KIF13B: variants seen among roughly 807,000 people sequenced by gnomAD.
The protein encoded by KIF13B is kinesin-like protein KIF13B.
KIF13B carries 127 observed loss-of-function variants against 222.0 expected under a neutral mutation model. The observed-to-expected ratio is 0.57, with a 90% CI of 0.50 to 0.66. The LOEUF (loss-of-function observed/expected upper bound fraction) is 0.66, where lower values mean the gene tolerates loss of function less well. Among genes scored for constraint, KIF13B ranks in the 30% least tolerant of loss-of-function variants. The pLI is 0.00. For missense variants in KIF13B, 2,173 were observed against 2,379.0 expected, an observed-to-expected ratio of 0.91 and a Z score of 1.80; for synonymous variants, 976 against 919.0, an observed-to-expected ratio of 1.06 and a Z score of -1.12.
At chr8:29,123,596 C>A in intron 27 of KIF13B, 104 bp from the exon 28 acceptor site, 1 of 1,439,822 alleles carries the variant, frequency 6.9e-7, no homozygotes, top group East Asian at 2.3e-5. Flanking sequence ...TATTAGCTCA[C>A]AAGTGCTCCC....
At chr8:29,097,161 G>C (rs1439410043) in intron 36 of KIF13B, among the ~76,000 whole-genome samples, 2 of 152,154 alleles carry the variant, frequency 1.3e-5, no homozygotes, top group Non-Finnish European at 2.9e-5. Context: ...AAATAAATTT[G>C]ATGCAGTTAT....
chr8:29,084,159 G>A (rs1240600232), intron 37 of KIF13B, among the ~76,000 whole-genome samples: 1 of 152,008 alleles, frequency 6.6e-6, no homozygotes, highest in Non-Finnish European at 1.5e-5. Context: ...GTCATGATCC[G>A]CCCACCTCGG....
chr8:29,177,480 C>T lies in KIF13B; in HGVS notation c.819G>A (p.Gly273=), dbSNP rs923211511. 6.2e-7 allele frequency: 1 copy of T among 1,609,088 alleles called. No homozygotes were observed. Among genetic ancestry groups the T allele is most frequent in the Non-Finnish European group, 8.5e-7 (1 of 1,175,540 alleles). The part of the protein sequence containing the change: ...TGAAGDRLKE[G]SNINKSLTTL... ...AGAGCACTTACTTGTTAATGTTGCT[C>T]CCTTCCTTCAGCCTGTCCCCTGCAG... Residue 273 remains glycine (G), a synonymous_variant, in exon 9 of 40, where the codon GGG becomes GGA. Coordinates refer to ENST00000524189, the MANE Select transcript of KIF13B (RefSeq NM_015254.4).
chr8:29,128,897 A>G (rs1318801226), intron 24 of KIF13B, among the ~76,000 whole-genome samples: 2 of 152,320 alleles, frequency 1.3e-5, no homozygotes, highest in East Asian at 3.9e-4. Context: ...TTTCAAACAT[A>G]TTAGACTCAA....
At chr8:29,089,916 A>C (rs1490882250) in intron 37 of KIF13B, among the ~76,000 whole-genome samples, 2 of 151,698 alleles carry the variant, frequency 1.3e-5, no homozygotes, top group Non-Finnish European at 2.9e-5. Flanking sequence ...AAGAAATGGT[A>C]ATGTAGTGCC....
intron 3 of KIF13B, among the ~76,000 whole-genome samples, chr8:29,192,819 A>AG (rs869178964): frequency 2.6e-5 from 4 of 152,138 alleles, no homozygotes; most frequent in African/African-American, 9.7e-5. Flanking sequence ...AAGGAAGAGA[A>AG]GGGGGAAAAA....
chr8:29,245,454 A>G lies in KIF13B; in HGVS notation c.56-15T>C. ...CAAGTCAGTCTCTGTGGATAAAAAA[A>G]CAAGAAAAACAGTCATTTTAAAAAG... On this transcript the variant is annotated splice_polypyrimidine_tract_variant and intron_variant, in intron 1 of 39. Transcript: ENST00000524189. The G allele has an allele frequency of 6.6e-7, 1 of 1,522,932 alleles. No individual in the cohort carries two copies. Among genetic ancestry groups the G allele is most frequent in the Non-Finnish European group, 8.9e-7 (1 of 1,125,106 alleles). 94.3% of individuals were successfully genotyped at this position (1,522,932 alleles called of 1,614,324 possible). A position where few individuals can be genotyped will look rare whatever the true frequency, so the allele number is the denominator to read the frequency against.
chr8:29,104,587 C>G (rs1051516544), intron 35 of KIF13B, among the ~76,000 whole-genome samples: 4 of 152,166 alleles, frequency 2.6e-5, no homozygotes, highest in African/African-American at 9.7e-5. Context: ...TTAAAACAAA[C>G]TTTTTAATTC....
At chr8:29,228,145 A>G (rs559371489) in intron 2 of KIF13B, among the ~76,000 whole-genome samples, 1 of 151,634 alleles carries the variant, frequency 6.6e-6, no homozygotes, top group Admixed American at 6.6e-5. Context: ...TAAAGTGCAT[A>G]GTGTTGAAAG....
rs142221801 is a variant in KIF13B at position 29,234,340 on chromosome 8, A to G, written c.149+11006T>C. Among the ~76,000 whole-genome samples, 426 of 152,166 alleles carry G rather than the reference A, an allele frequency of 2.8e-3. 1 individual carries two copies. Among genetic ancestry groups the G allele is most frequent in the African/African-American group, 9.7e-3 (404 of 41,508 alleles). ...CAATGAAGTATTACTCGACCTTAAA[A>G]AGGAAGGAAATTCTAACATGTGCTA... On this transcript the variant is annotated intron_variant, in intron 2 of 39. Coordinates refer to ENST00000524189, the MANE Select transcript of KIF13B (RefSeq NM_015254.4).
rs772292664 is a variant in KIF13B at position 29,072,082 on chromosome 8, G to A, written c.4756C>T (p.Leu1586=). The change falls in exon 39 of 40, where the codon CTG becomes TTG. Residue 1586 remains leucine, a synonymous_variant. Transcript: ENST00000524189. ...GACCCCGGCGGGGCCGCAGCGTCCA[G>A]GCCGGGGCCCAGGGCGTCCGACAGG... ...ATLSDALGPG[L]DAAAPPGSMP... is the part of the protein sequence containing the mutation. 2.2e-6 allele frequency: 3 copies of A among 1,343,254 alleles called. No individual in the cohort carries two copies. The South Asian group carries it at 6.0e-5, about 27-fold the overall frequency. The allele number at this position is 1,343,254 out of a possible 1,614,324, so 83.2% of individuals were successfully genotyped here.
chr8:29,144,286 A>G (rs1427368213), intron 18 of KIF13B, among the ~76,000 whole-genome samples: 1 of 152,084 alleles, frequency 6.6e-6, no homozygotes, highest in Non-Finnish European at 1.5e-5. Context: ...ATTGAGACAG[A>G]GTCTCTTTCT....
chr8:29,071,884 G>T lies in KIF13B; in HGVS notation c.4954C>A (p.Arg1652=). 1 of 1,522,350 alleles carries T rather than the reference G, an allele frequency of 6.6e-7. No individual in the cohort carries two copies. Among genetic ancestry groups the T allele is most frequent in the South Asian group, 1.2e-5 (1 of 82,564 alleles). 94.3% of individuals were successfully genotyped at this position (1,522,350 alleles called of 1,614,324 possible). ...GAGAAGGAGCGCAACTCCGAGGCCC[G>T]CACCCTCCGGACGCGGAACGGGGAG... The part of the protein sequence containing the change: ...PGSPFRVRRV[R]ASELRSFSRM... The change falls in exon 39 of 40, where the codon CGG becomes AGG. Residue 1652 remains arginine, a synonymous_variant. Transcript: ENST00000524189. The surrounding 1 kb of genome is among the most constrained non-coding windows in gnomAD (Gnocchi z 4.9).
chr8:29,212,838 G>A (rs1432856769), intron 2 of KIF13B, among the ~76,000 whole-genome samples: 1 of 148,792 alleles, frequency 6.7e-6, no homozygotes. Flanking sequence ...GTTCATACTA[G>A]ATAACACACG....
chr8:29,119,824 T>G (rs933301659), intron 29 of KIF13B, among the ~76,000 whole-genome samples: 1 of 151,890 alleles, frequency 6.6e-6, no homozygotes, highest in Non-Finnish European at 1.5e-5. Context: ...TATTCGGTAT[T>G]ATTCTCTAAC....
At chr8:29,197,476 G>A (rs2130389657) in intron 2 of KIF13B, among the ~76,000 whole-genome samples, 1 of 151,686 alleles carries the variant, frequency 6.6e-6, no homozygotes, top group East Asian at 1.9e-4. Context: ...TGTTAACACT[G>A]CCATGACTGC....
At chr8:29,143,249 GAC>G (rs1054018539) in intron 18 of KIF13B, among the ~76,000 whole-genome samples, 2 of 152,184 alleles carry the variant, frequency 1.3e-5, no homozygotes, top group Non-Finnish European at 2.9e-5. Flanking sequence ...GCCACCATAT[GAC>G]CACAACGTTA....
At chr8:29,191,359 C>CTT (rs5890443) in intron 3 of KIF13B, among the ~76,000 whole-genome samples, 27,178 of 152,006 alleles carry the variant, frequency 0.18, 2,640 homozygotes, top group African/African-American at 0.24. Flanking sequence ...AATTAGTGAT[C>CTT]TGTTTCATGT....
chr8:29,258,275 A>T (rs530011550), intron 1 of KIF13B, among the ~76,000 whole-genome samples: 146 of 152,282 alleles, frequency 9.6e-4, no homozygotes, highest in Non-Finnish European at 1.8e-3. Context: ...CAGCTGCTTA[A>T]TTTTGACCGA....
Sources: allele counts gnomAD v4.1 joint callset (sites outside exome capture counted in the v4.1 genomes callset), GRCh38; gene constraint gnomAD v4.1.1; non-coding constraint Gnocchi (gnomAD v3.1); transcripts MANE v1.5; gene names NCBI Gene and HGNC (gene_info 2026-07-23, HGNC 2026-07-21).